Variants in ADAMTS17 observed in about 807,000 individuals in gnomAD.
The protein encoded by ADAMTS17 is ADAM metallopeptidase with thrombospondin type 1 motif 17.
ADAMTS17 carries 113 observed loss-of-function variants against 141.5 expected under a neutral mutation model. That is an observed-to-expected ratio of 0.80 (90% CI 0.69 to 0.93). The LOEUF (loss-of-function observed/expected upper bound fraction) is 0.93. ADAMTS17 is among the 40% of genes least tolerant of loss of function. The pLI is 0.00. For synonymous variants in ADAMTS17, 768 were observed against 630.6 expected, an observed-to-expected ratio of 1.22 and a Z score of -3.27; for missense variants, 1,659 against 1,517.9, an observed-to-expected ratio of 1.09 and a Z score of -1.54.
chr15:100,033,528 G>GTCTC (rs3062414), intron 18 of ADAMTS17, among the ~76,000 whole-genome samples: 16,034 of 152,168 alleles, frequency 0.11, 2,193 homozygotes, highest in African/African-American at 0.32. Context: ...ACCTTAGCCT[G>GTCTC]TCTATAGGAC....
chr15:100,252,625 C>T (rs1196814956), intron 7 of ADAMTS17, among the ~76,000 whole-genome samples: 3 of 152,120 alleles, frequency 2.0e-5, no homozygotes, highest in Admixed American at 6.5e-5. Flanking sequence ...AGAGGTCAGC[C>T]GGTACAAGTA....
chr15:100,058,328 C>CCCATATCCCGGCTCTAACCCT (rs2032812105), intron 15 of ADAMTS17, among the ~76,000 whole-genome samples: 10 of 93,798 alleles, frequency 1.1e-4, no homozygotes, highest in African/African-American at 3.9e-4. Flanking sequence ...GCTCTAACAC[C>CCCATATCCCGGCTCTAACCCT]CCTATCCCGG....
At chr15:100,160,571 A>C (rs1212380805) in intron 8 of ADAMTS17, among the ~76,000 whole-genome samples, 4 of 152,220 alleles carry the variant, frequency 2.6e-5, no homozygotes, top group Non-Finnish European at 5.9e-5. Flanking sequence ...TTGAGGAGAC[A>C]CACAGGATGG....
intron 20 of ADAMTS17, among the ~76,000 whole-genome samples, chr15:99,983,422 A>G (rs2060521134): frequency 1.3e-5 from 2 of 151,824 alleles, no homozygotes; most frequent in Non-Finnish European, 1.5e-5. Context: ...ACCACCCCCA[A>G]CAGGGGAGGA....
At chr15:100,036,488 G>A (rs2030727517) in intron 18 of ADAMTS17, among the ~76,000 whole-genome samples, 1 of 152,242 alleles carries the variant, frequency 6.6e-6, no homozygotes, top group Non-Finnish European at 1.5e-5. Context: ...GATATCGTGA[G>A]CTCTGGGCTG....
chr15:100,022,098 C>T (rs556133954), intron 18 of ADAMTS17, among the ~76,000 whole-genome samples: 2 of 152,302 alleles, frequency 1.3e-5, no homozygotes, highest in Admixed American at 1.3e-4. Context: ...TACTAAACTT[C>T]CCCGGGCTCA....
At chr15:100,163,014 ATAAC>A (rs898151185) in intron 8 of ADAMTS17, among the ~76,000 whole-genome samples, 7 of 146,292 alleles carry the variant, frequency 4.8e-5, no homozygotes, top group African/African-American at 1.5e-4. Context: ...ATGTGTATAT[ATAAC>A]TATATATGTA....
intron 3 of ADAMTS17, among the ~76,000 whole-genome samples, chr15:100,323,755 G>C (rs57836805): frequency 8.5e-5 from 13 of 152,240 alleles, no homozygotes; most frequent in Admixed American, 6.5e-4. Flanking sequence ...TTATTAAGAT[G>C]GATAAATCTA....
At chr15:100,145,594 G>A (rs1165528797) in intron 10 of ADAMTS17, among the ~76,000 whole-genome samples, 4 of 152,086 alleles carry the variant, frequency 2.6e-5, no homozygotes, top group Non-Finnish European at 5.9e-5. Context: ...GATGGTCATG[G>A]GGCCTGCCTC....
At chr15:100,071,589 C>A (rs1435253473) in intron 15 of ADAMTS17, among the ~76,000 whole-genome samples, 1 of 150,350 alleles carries the variant, frequency 6.7e-6, no homozygotes, top group Non-Finnish European at 1.5e-5. Context: ...CCCTAGGATG[C>A]AAGGCTGGTT....
chr15:100,030,269 C>T (rs2030012488), intron 18 of ADAMTS17, among the ~76,000 whole-genome samples: 1 of 152,218 alleles, frequency 6.6e-6, no homozygotes, highest in African/African-American at 2.4e-5. Flanking sequence ...TGGGCCAGGG[C>T]ACGTTCATTA....
chr15:100,019,849 C>T (rs746130178), intron 18 of ADAMTS17, among the ~76,000 whole-genome samples: 2 of 152,208 alleles, frequency 1.3e-5, no homozygotes, highest in Non-Finnish European at 2.9e-5. Context: ...AGATGCCCAT[C>T]TCCCTCCAGC....
intron 2 of ADAMTS17, chr15:100,339,105 G>A (rs2046289699): frequency 2.7e-5 from 27 of 985,360 alleles, no homozygotes; most frequent in Non-Finnish European, 3.1e-5. Context: ...AAGTCTTAGA[G>A]GTACAACCGC....
At chr15:100,286,434 G>A (rs998937172) in intron 3 of ADAMTS17, among the ~76,000 whole-genome samples, 4 of 152,162 alleles carry the variant, frequency 2.6e-5, no homozygotes, top group African/African-American at 9.7e-5. Flanking sequence ...CGAAGTGTTG[G>A]GGCCAGCAGA....
intron 7 of ADAMTS17, among the ~76,000 whole-genome samples, chr15:100,217,219 G>A (rs2041996197): frequency 1.3e-5 from 2 of 152,092 alleles, no homozygotes; most frequent in South Asian, 4.1e-4. Context: ...TCAATTAGTG[G>A]TACTAGGACA....
chr15:100,236,849 G>C (rs937104099), intron 7 of ADAMTS17, among the ~76,000 whole-genome samples: 5 of 151,992 alleles, frequency 3.3e-5, no homozygotes, highest in African/African-American at 9.7e-5. Flanking sequence ...TAAAGAAAAA[G>C]AAAGAAATAC....
At chr15:100,113,275 G>A (rs553072538) in intron 13 of ADAMTS17, among the ~76,000 whole-genome samples, 6 of 152,302 alleles carry the variant, frequency 3.9e-5, no homozygotes, top group African/African-American at 1.4e-4. Context: ...TCCCTTATAT[G>A]TAATTCAGAA....
chr15:99,993,290 G>T lies in ADAMTS17; in HGVS notation c.2797-90C>A. Reference sequence around the variant, plus strand: ...AACTCCCTCCAATGTGCCAGGTGCGGTGTGGGGATGATACAAAGATGAAAA... The same window carrying T: ...AACTCCCTCCAATGTGCCAGGTGCGTTGTGGGGATGATACAAAGATGAAAA... On this transcript the variant is annotated intron_variant, in intron 19 of 21. Coordinates refer to ENST00000268070, the MANE Select transcript of ADAMTS17 (RefSeq NM_139057.4). The surrounding 1 kb of genome is among the most constrained non-coding windows in gnomAD (Gnocchi z 4.3). 6.5e-7 allele frequency: 1 copy of T among 1,540,188 alleles called. No homozygotes were observed. The highest frequency in any genetic ancestry group is 8.9e-7 in the Non-Finnish European group (1 of 1,119,544).
intron 7 of ADAMTS17, among the ~76,000 whole-genome samples, chr15:100,226,034 C>CAGTCACGGT (rs2042300898): frequency 7.3e-6 from 1 of 137,702 alleles, no homozygotes; most frequent in Non-Finnish European, 1.6e-5. Context: ...GCAGTCACAG[C>CAGTCACGGT]CTCTGTGCCC....
Sources: gnomAD v4.1 joint callset for allele counts (sites outside exome capture counted in the v4.1 genomes callset) on GRCh38, gnomAD v4.1.1 for gene constraint, Gnocchi (gnomAD v3.1) non-coding constraint, MANE v1.5 for transcripts, NCBI Gene and HGNC (gene_info 2026-07-23, HGNC 2026-07-21) for gene names.